PRSS33: variants seen among roughly 807,000 people sequenced by gnomAD.
PRSS33 encodes the protein serine protease 33.
In PRSS33, 32 loss-of-function variants were observed where a neutral mutation model predicts 26.7. The ratio of observed to expected loss-of-function variants is 1.20; its 90% confidence interval spans 0.90 to 1.61. The LOEUF is 1.61. Ranked by LOEUF, PRSS33 falls within the 40% of genes most tolerant of loss-of-function variation. The pLI, the probability that PRSS33 is intolerant of heterozygous loss-of-function variation, is 0.00. For synonymous variants in PRSS33, 192 were observed against 177.6 expected (o/e 1.08, Z -0.64); for missense variants, 450 against 396.3 (o/e 1.14, Z -1.15).
At chr16:2,785,684 G>A (rs973088208) in intron 4 of PRSS33, 38 bp from the exon 5 acceptor site, 4 of 1,467,316 alleles carry the variant, frequency 2.7e-6, no homozygotes, top group South Asian at 1.3e-5. Context: ...CCAGCACCGG[G>A]TCCTCGACCC....
Position 2,785,431 on chromosome 16 carries a change from C to A in PRSS33, c.458G>T (p.Arg153Leu). The A allele has an allele frequency of 6.8e-7, 1 of 1,463,582 alleles. No individual in the cohort carries two copies. The highest frequency in any genetic ancestry group is 8.9e-7 in the Non-Finnish European group (1 of 1,118,870). The allele number at this position is 1,463,582 out of a possible 1,614,324, so 90.7% of individuals were successfully genotyped here. The change falls in exon 5 of 7, where the codon CGC (arginine) becomes CTC (leucine). Residue 153 changes from arginine (R) to leucine (L), a missense_variant. Coordinates refer to ENST00000682474, the MANE Select transcript of PRSS33 (RefSeq NM_152891.3). The part of the protein sequence containing the change: ...QPVCLPVPGA[R>L]PPPGTPCRVT... ...CCGGCATGGTGTGCCGGGCGGCGGG[C>A]GGGCGCCGGGCACGGGCAGGCAGAC...
Position 2,785,542 on chromosome 16 carries a change from G to A in PRSS33, c.347C>T (p.Pro116Leu), listed in dbSNP as rs1046087956. Residue 116 changes from proline (P) to leucine (L), a missense_variant, in exon 5 of 7, where the codon CCG becomes CTG. Pro to Leu is a moderately conservative substitution (Grantham distance 98). Transcript: ENST00000682474. The stretch of plus-strand genomic sequence containing the variant: ...GCGGGCCCCGTCCTCGGAGTAGTCC[G>A]GGGGCAGCAGCACCCGTCGCACGGG... ...SVPVRRVLLPPDYSEDGARGD... is the reference protein window; with the variant it reads ...SVPVRRVLLPLDYSEDGARGD... The A allele has an allele frequency of 1.0e-5, 16 of 1,527,062 alleles. No individual in the cohort carries two copies. The highest frequency in any genetic ancestry group is 2.8e-5 in the African/African-American group (2 of 72,038). The allele number at this position is 1,527,062 out of a possible 1,614,324, so 94.6% of individuals were successfully genotyped here.
At chr16:2,786,039 G>A (rs1474757980) in intron 3 of PRSS33, 50 bp downstream of exon 3, 2 of 1,612,132 alleles carry the variant, frequency 1.2e-6, no homozygotes, top group East Asian at 2.2e-5. Context: ...GGAGACACGG[G>A]GCCGAGGTCC....
At position 2,786,564 on chromosome 16, in the gene PRSS33, G is replaced by T. The variant is rs765413802; in HGVS notation, c.-17C>A. 2.5e-6 allele frequency: 4 copies of T among 1,613,008 alleles called. No homozygotes were observed. The highest frequency in any genetic ancestry group is 3.4e-6 in the Non-Finnish European group (4 of 1,179,604). On this transcript the variant is annotated 5_prime_UTR_variant, in exon 2 of 7. Transcript: ENST00000682474. ...CCCTCTCATTCTGTCTTCAAGGCTG[G>T]GCTGGGTAAGGGTGGCACTGCCTAG... is the stretch of plus-strand genomic sequence containing the variant.
chr16:2,786,885 C>T lies in PRSS33; in HGVS notation c.-57-281G>A, dbSNP rs1173898527. 2.4e-5 allele frequency: 4 copies of T among 163,926 alleles called. No individual in the cohort carries two copies. In the South Asian group the frequency reaches 3.2e-4, roughly 13 times the overall value. 10.2% of individuals were successfully genotyped at this position (163,926 alleles called of 1,614,324 possible). ...CTCCCTCATCCCCCTCCCCCATCCT[C>T]ACCCCCTCCCTCATCCTCACCCCCT... On this transcript the variant is annotated intron_variant, in intron 1 of 6. Transcript: ENST00000682474.
Position 2,785,922 on chromosome 16 carries a change from C to G in PRSS33, c.119G>C (p.Gly40Ala). 6.2e-7 allele frequency: 1 copy of G among 1,612,272 alleles called. No individual in the cohort carries two copies. The highest frequency in any genetic ancestry group is 8.5e-7 in the Non-Finnish European group (1 of 1,179,732). ...CCACTCTCCGTCCCGGCCATCCCGG[C>G]CCCCAACGATCCGACTGGACATGCG... ...QPRMSSRIVG[G>A]RDGRDGEWPW... The change falls in exon 4 of 7, where the codon GGC becomes GCC. Residue 40 changes from glycine to alanine, a missense_variant. Physicochemically the swap from Gly to Ala is moderately conservative, Grantham distance 60. Coordinates refer to ENST00000682474, the MANE Select transcript of PRSS33 (RefSeq NM_152891.3).
Position 2,785,781 on chromosome 16 carries a change from C to T in PRSS33, c.242+18G>A. ...GCCTTCCTTGCACACCCCGCCTGGG[C>T]CCTCGGTGAGCGCTGACCTGGGGAA... On this transcript the variant is annotated intron_variant, in intron 4 of 6. Transcript: ENST00000682474. The T allele has an allele frequency of 1.3e-6, 2 of 1,573,134 alleles. No individual in the cohort carries two copies. Among genetic ancestry groups the T allele is most frequent in the Non-Finnish European group, 8.6e-7 (1 of 1,166,426 alleles).
At position 2,785,633 on chromosome 16, in the gene PRSS33, C is replaced by T; in HGVS notation, c.256G>A (p.Ala86Thr). 1 of 1,496,650 alleles carries T rather than the reference C, an allele frequency of 6.7e-7. No homozygotes were observed. Among genetic ancestry groups the T allele is most frequent in the South Asian group, 1.3e-5 (1 of 79,332 alleles). The allele number at this position is 1,496,650 out of a possible 1,614,324, so 92.7% of individuals were successfully genotyped here. A position where few individuals can be genotyped will look rare whatever the true frequency, so the allele number is the denominator to read the frequency against. Residue 86 changes from alanine to threonine, a missense_variant, in exon 5 of 7, where the codon GCT (alanine) becomes ACT (threonine). Coordinates refer to ENST00000682474, the MANE Select transcript of PRSS33 (RefSeq NM_152891.3). ...GCCCCCAGGCGCACGCGGTACTCAG[C>T]TGGCAGTGCCCTCCTGCAGGACAGG... is the stretch of plus-strand genomic sequence containing the variant. ...AHCFPRRALP[A>T]EYRVRLGALR...
Position 2,785,814 on chromosome 16 carries a change from G to A in PRSS33, c.227C>T (p.Ala76Val), listed in dbSNP as rs187037756. 63 of 1,600,510 alleles carry A rather than the reference G, an allele frequency of 3.9e-5. No individual in the cohort carries two copies. The East Asian group carries it at 1.3e-3, about 32-fold the overall frequency. ...LIAPQWVLTA[A>V]HCFPRRALPA... ...GAGCGCTGACCTGGGGAAGCAGTGCGCCGCTGTCAGCACCCACTGGGGGGC... is the reference window on the plus strand; with the variant it reads ...GAGCGCTGACCTGGGGAAGCAGTGCACCGCTGTCAGCACCCACTGGGGGGC... The change falls in exon 4 of 7, where the codon GCG becomes GTG. Residue 76 changes from alanine (A) to valine (V), a missense_variant. Ala to Val is a moderately conservative substitution (Grantham distance 64). Coordinates refer to ENST00000682474, the MANE Select transcript of PRSS33 (RefSeq NM_152891.3).
chr16:2,785,657 G>T lies in PRSS33; in HGVS notation c.243-11C>A. The T allele has an allele frequency of 6.8e-7, 1 of 1,476,256 alleles. No individual in the cohort carries two copies. The highest frequency in any genetic ancestry group is 8.9e-7 in the Non-Finnish European group (1 of 1,118,562). 91.4% of individuals were successfully genotyped at this position (1,476,256 alleles called of 1,614,324 possible). A position where few individuals can be genotyped will look rare whatever the true frequency, so the allele number is the denominator to read the frequency against. On this transcript the variant is annotated splice_polypyrimidine_tract_variant and intron_variant, in intron 4 of 6. Transcript: ENST00000682474. ...GCTGGCAGTGCCCTCCTGCAGGACAGGAGCGGGGGACTACTTCCAGCACCG... is the reference window on the plus strand; with the variant it reads ...GCTGGCAGTGCCCTCCTGCAGGACATGAGCGGGGGACTACTTCCAGCACCG...
Position 2,785,558 on chromosome 16 carries a change from G to A in PRSS33, c.331C>T (p.Arg111Trp), listed in dbSNP as rs1352549158. 6.5e-7 allele frequency: 1 copy of A among 1,527,830 alleles called. No homozygotes were observed. The highest frequency in any genetic ancestry group is 2.0e-5 in the Admixed American group (1 of 50,588). 94.6% of individuals were successfully genotyped at this position (1,527,830 alleles called of 1,614,324 possible). A position where few individuals can be genotyped will look rare whatever the true frequency, so the allele number is the denominator to read the frequency against. Residue 111 changes from arginine (R) to tryptophan (W), a missense_variant, in exon 5 of 7, where the codon CGG becomes TGG. Physicochemically the swap from Arg to Trp is moderately radical, Grantham distance 101 (BLOSUM62 -3). Transcript: ENST00000682474. ...SPRTLSVPVR[R>W]VLLPPDYSED... ...GAGTAGTCCGGGGGCAGCAGCACCCGTCGCACGGGCACCGAGAGCGTGCGG... is the reference window on the plus strand; with the variant it reads ...GAGTAGTCCGGGGGCAGCAGCACCCATCGCACGGGCACCGAGAGCGTGCGG...
In PRSS33 at chr16:2,785,447, G is replaced by A; in HGVS notation, c.442C>T (p.Pro148Ser). 6.7e-7 allele frequency: 1 copy of A among 1,498,438 alleles called. No homozygotes were observed. The highest frequency in any genetic ancestry group is 1.4e-5 in the African/African-American group (1 of 69,402). 92.8% of individuals were successfully genotyped at this position (1,498,438 alleles called of 1,614,324 possible). ...GGCGGCGGGCGGGCGCCGGGCACGG[G>A]CAGGCAGACGGGTTGGACGCGAGCG... ...LSARVQPVCL[P>S]VPGARPPPGT... The change falls in exon 5 of 7, where the codon CCC becomes TCC. Residue 148 changes from proline (P) to serine (S), a missense_variant. By Grantham distance (74) the Pro-to-Ser change is moderately conservative (BLOSUM62 -1). Transcript: ENST00000682474.
Position 2,784,408 on chromosome 16 carries a change from G to C in PRSS33, c.*236C>G, listed in dbSNP as rs1017375080. The C allele has an allele frequency of 4.4e-6, 2 of 455,288 alleles. No individual in the cohort carries two copies. The highest frequency in any genetic ancestry group is 7.2e-5 in the East Asian group (2 of 27,788). The allele number at this position is 455,288 out of a possible 1,614,324, so 28.2% of individuals were successfully genotyped here. A position where few individuals can be genotyped will look rare whatever the true frequency, so the allele number is the denominator to read the frequency against. On this transcript the variant is annotated 3_prime_UTR_variant, in exon 7 of 7. Transcript: ENST00000682474. ...ACAAGCCAGGAAGGGAGTGGGGAGT[G>C]TGACTCCCTGGGACTCATGGCAGAT... is the stretch of plus-strand genomic sequence containing the variant.
chr16:2,786,643 A>C (rs542578836), intron 1 of PRSS33, 39 bp from the exon 2 acceptor site: 2 of 1,397,556 alleles, frequency 1.4e-6, no homozygotes, highest in African/African-American at 1.4e-5. Context: ...GTCCTGGCCC[A>C]GGGGCACCAA....
chr16:2,785,049 C>G lies in PRSS33; in HGVS notation c.637G>C (p.Gly213Arg). The change falls in exon 6 of 7, where the codon GGG (glycine) becomes CGG (arginine). Residue 213 changes from glycine (G) to arginine (R), a missense_variant. Coordinates refer to ENST00000682474, the MANE Select transcript of PRSS33 (RefSeq NM_152891.3). ...VPQAERIVLP[G>R]SLCAGYPQGH... ...TGGGGGTAGCCGGCACACAGACTCC[C>G]AGGCAGCACAATGCGCTCAGCCTGG... The G allele has an allele frequency of 6.3e-7, 1 of 1,585,848 alleles. No individual in the cohort carries two copies. The highest frequency in any genetic ancestry group is 8.6e-7 in the Non-Finnish European group (1 of 1,168,738).
rs1383441495 is a variant in PRSS33, at chr16:2,785,087, C to T, written c.599G>A (p.Gly200Asp). ...GCGCTCAGCCTGGGGCACGTCCGCG[C>T]CCACGTGGTAGAGGCCGTCGCAGGT... ...SRTCDGLYHV[G>D]ADVPQAERIV... is the part of the protein sequence containing the mutation. Residue 200 changes from glycine (G) to aspartate (D), a missense_variant, in exon 6 of 7, where the codon GGC becomes GAC. Gly to Asp is a moderately conservative substitution (Grantham distance 94). Transcript: ENST00000682474. 1.3e-6 allele frequency: 2 copies of T among 1,561,394 alleles called. No homozygotes were observed. The highest frequency in any genetic ancestry group is 1.7e-6 in the Non-Finnish European group (2 of 1,156,002).
In PRSS33 at chr16:2,785,543, G is replaced by T; in HGVS notation, c.346C>A (p.Pro116Thr). ...CGGGCCCCGTCCTCGGAGTAGTCCG[G>T]GGGCAGCAGCACCCGTCGCACGGGC... ...SVPVRRVLLPPDYSEDGARGD... is the reference protein window; with the variant it reads ...SVPVRRVLLPTDYSEDGARGD... The change falls in exon 5 of 7, where the codon CCG becomes ACG. Residue 116 changes from proline (P) to threonine (T), a missense_variant. Physicochemically the swap from Pro to Thr is conservative, Grantham distance 38. Transcript: ENST00000682474. 6.5e-7 allele frequency: 1 copy of T among 1,527,902 alleles called. No individual in the cohort carries two copies. Among genetic ancestry groups the T allele is most frequent in the Non-Finnish European group, 8.7e-7 (1 of 1,144,494 alleles). The allele number at this position is 1,527,902 out of a possible 1,614,324, so 94.6% of individuals were successfully genotyped here. A position where few individuals can be genotyped will look rare whatever the true frequency, so the allele number is the denominator to read the frequency against.
rs1224277261 is a variant in PRSS33 at position 2,785,904 on chromosome 16, C to T, written c.137G>A (p.Gly46Glu). Residue 46 changes from glycine (G) to glutamate (E), a missense_variant, in exon 4 of 7, where the codon GGA (glycine) becomes GAA (glutamate). Physicochemically the swap from Gly to Glu is moderately conservative, Grantham distance 98. Coordinates refer to ENST00000682474, the MANE Select transcript of PRSS33 (RefSeq NM_152891.3). ...GATGCTCGCCTGCCACGGCCACTCT[C>T]CGTCCCGGCCATCCCGGCCCCCAAC... The part of the protein sequence containing the change: ...RIVGGRDGRD[G>E]EWPWQASIQH... The T allele has an allele frequency of 6.2e-7, 1 of 1,611,508 alleles. No homozygotes were observed. The highest frequency in any genetic ancestry group is 8.5e-7 in the Non-Finnish European group (1 of 1,179,558).
chr16:2,787,050 G>C (rs76399563), intron 1 of PRSS33, among the ~76,000 whole-genome samples: 1,255 of 19,250 alleles, frequency 0.065, 246 homozygotes, highest in African/African-American at 0.37. Context: ...TCCTCACCCC[G>C]TCCTCCATCG....
Sources: allele counts gnomAD v4.1 joint callset (sites outside exome capture counted in the v4.1 genomes callset), GRCh38; gene constraint gnomAD v4.1.1; transcripts MANE v1.5; gene names NCBI Gene and HGNC (gene_info 2026-07-23, HGNC 2026-07-21).